The following GRK5 variants were observed in gnomAD, a reference collection of about 807,000 sequenced individuals.
The protein encoded by GRK5 is G protein-coupled receptor kinase 5.
Under a neutral mutation model 78.4 loss-of-function variants are expected in GRK5, and 40 were observed. That is an observed-to-expected ratio of 0.51 (90% CI 0.40 to 0.66). The LOEUF (loss-of-function observed/expected upper bound fraction) is 0.66, where lower values mean the gene tolerates loss of function less well. Among genes scored for constraint, GRK5 ranks in the 30% least tolerant of loss-of-function variants. The probability of loss-of-function intolerance (pLI) is 0.00; values close to 1 mark genes in which losing one functional copy is unlikely to be tolerated. For missense variants in GRK5, 598 were observed against 759.9 expected (o/e 0.79, Z 2.50); for synonymous variants, 289 against 296.8 (o/e 0.97, Z 0.27).
intron 2 of GRK5, chr10:119,330,473 A>C (rs529005294): frequency 6.6e-6 from 1 of 151,902 alleles, no homozygotes; most frequent in African/African-American, 2.4e-5. Context: ...TCATGACCAA[A>C]TCACCTCCCA....
At chr10:119,278,998 C>G (rs981058124) in intron 1 of GRK5, among the ~76,000 whole-genome samples, 2 of 152,248 alleles carry the variant, frequency 1.3e-5, no homozygotes, top group African/African-American at 2.4e-5. Context: ...CCACCTCTGT[C>G]TCCCGAGTAG....
Position 119,207,916 on chromosome 10 carries a change from C to T in GRK5, c.-2C>T. 2 of 1,601,248 alleles carry T rather than the reference C, an allele frequency of 1.2e-6. No homozygotes were observed. The highest frequency in any genetic ancestry group is 1.7e-6 in the Non-Finnish European group (2 of 1,175,172). On this transcript the variant is annotated 5_prime_UTR_variant, in exon 1 of 16. Coordinates refer to ENST00000392870, the MANE Select transcript of GRK5 (RefSeq NM_005308.3). ...GGCTCCGTTGCTGACCGCCGACTGTCAATGGAGCTGGAAAACATCGTGGCC... is the reference window on the plus strand; with the variant it reads ...GGCTCCGTTGCTGACCGCCGACTGTTAATGGAGCTGGAAAACATCGTGGCC...
rs1467700319 is a variant in GRK5, at chr10:119,435,196, T to G, written c.739-1455T>G. 2.0e-5 allele frequency among the ~76,000 whole-genome samples: 3 copies of G among 152,236 alleles called. No individual in the cohort carries two copies. The East Asian group carries it at 5.8e-4, about 29-fold the overall frequency. ...GATGGGAGGGGCTGCTGTGAAGACC[T>G]CTGACATGCCCTGTAGACATTTTCC... On this transcript the variant is annotated intron_variant, in intron 8 of 15. Transcript: ENST00000392870.
chr10:119,321,519 C>T (rs1281157894), intron 1 of GRK5, among the ~76,000 whole-genome samples: 4 of 152,204 alleles, frequency 2.6e-5, no homozygotes, highest in Admixed American at 1.3e-4. Flanking sequence ...GGTGAGTCTT[C>T]GTCACATTGC....
At chr10:119,419,017 G>C (rs372667848) in intron 4 of GRK5, among the ~76,000 whole-genome samples, 1 of 152,370 alleles carries the variant, frequency 6.6e-6, no homozygotes, top group East Asian at 1.9e-4. Flanking sequence ...GGAAGAGCTA[G>C]AGTGCTGCCC....
At chr10:119,279,033 A>G (rs562343794) in intron 1 of GRK5, among the ~76,000 whole-genome samples, 10 of 152,024 alleles carry the variant, frequency 6.6e-5, no homozygotes, top group Admixed American at 4.6e-4. Context: ...GTGTGCCACC[A>G]TGCCAAGCTA....
At chr10:119,254,345 C>G (rs979094901) in intron 1 of GRK5, among the ~76,000 whole-genome samples, 2 of 152,088 alleles carry the variant, frequency 1.3e-5, no homozygotes, top group Non-Finnish European at 2.9e-5. Flanking sequence ...TCTGTTCTGC[C>G]CTACTTTAGT....
Position 119,443,596 on chromosome 10 carries a change from C to A in GRK5, c.1110C>A (p.Gly370=), listed in dbSNP as rs756309116. ...ACGGCCTGAGCCCCGACTACTGGGGCCTTGGCTGCCTCATCTATGAGATGA... is the reference window on the plus strand; with the variant it reads ...ACGGCCTGAGCCCCGACTACTGGGGACTTGGCTGCCTCATCTATGAGATGA... ...QRYGLSPDYW[G]LGCLIYEMIE... The change falls in exon 12 of 16, where the codon GGC becomes GGA. Residue 370 remains glycine (G), a synonymous_variant. Transcript: ENST00000392870. 6.8e-6 allele frequency: 11 copies of A among 1,613,396 alleles called. No individual in the cohort carries two copies. Among genetic ancestry groups the A allele is most frequent in the Non-Finnish European group, 6.8e-6 (8 of 1,179,706 alleles).
At chr10:119,218,391 A>G (rs1287946669) in intron 1 of GRK5, among the ~76,000 whole-genome samples, 2 of 152,188 alleles carry the variant, frequency 1.3e-5, no homozygotes, top group Non-Finnish European at 2.9e-5. Context: ...ATTGCTCTGC[A>G]AGTCTGATAA....
At position 119,442,075 on chromosome 10, in the gene GRK5, T is replaced by C; in HGVS notation, c.1044T>C (p.Thr348=). ...EGDLIRGRVG[T]VGYMAPEVLN... The stretch of plus-strand genomic sequence containing the variant: ...ACCTGATCCGCGGCCGGGTGGGCAC[T>C]GTTGGCTACATGGGTGAGTGCTGGG... The change falls in exon 11 of 16, where the codon ACT becomes ACC. Residue 348 remains threonine, a synonymous_variant. Transcript: ENST00000392870. 6.2e-7 allele frequency: 1 copy of C among 1,613,776 alleles called. No homozygotes were observed. Among genetic ancestry groups the C allele is most frequent in the Non-Finnish European group, 8.5e-7 (1 of 1,179,768 alleles).
intron 1 of GRK5, among the ~76,000 whole-genome samples, chr10:119,261,254 C>G (rs1382733899): frequency 6.6e-6 from 1 of 151,458 alleles, no homozygotes; most frequent in East Asian, 1.9e-4. Flanking sequence ...CCTCACCTCC[C>G]AGACGGGGTG....
intron 2 of GRK5, among the ~76,000 whole-genome samples, chr10:119,362,532 A>C (rs541497695): frequency 6.6e-6 from 1 of 152,374 alleles, no homozygotes; most frequent in African/African-American, 2.4e-5. Context: ...ATAACTCTTC[A>C]TAAAATGTCC....
chr10:119,237,915 CAA>C (rs573638220), intron 1 of GRK5, among the ~76,000 whole-genome samples: 226 of 152,094 alleles, frequency 1.5e-3, no homozygotes, highest in African/African-American at 5.3e-3. Flanking sequence ...GTCTGTCTGT[CAA>C]GAGAGAGAGG....
intron 1 of GRK5, among the ~76,000 whole-genome samples, chr10:119,290,346 CA>C (rs1220792004): frequency 2.2e-3 from 90 of 40,012 alleles, no homozygotes; most frequent in African/African-American, 6.9e-3. Context: ...GATTCCGTCT[CA>C]AAAAAAAAAA....
At chr10:119,246,854 G>A (rs149582686) in intron 1 of GRK5, among the ~76,000 whole-genome samples, 2 of 152,314 alleles carry the variant, frequency 1.3e-5, no homozygotes, top group East Asian at 3.9e-4. Flanking sequence ...TGATGGGAAT[G>A]TCACCTGAGA....
At chr10:119,357,713 G>T (rs1247759865) in intron 2 of GRK5, among the ~76,000 whole-genome samples, 1 of 152,192 alleles carries the variant, frequency 6.6e-6, no homozygotes, top group Non-Finnish European at 1.5e-5. Context: ...ATGCAAGAGG[G>T]CTGTCCCCAG....
intron 4 of GRK5, among the ~76,000 whole-genome samples, chr10:119,416,838 C>A (rs772860361): frequency 3.9e-4 from 59 of 152,236 alleles, no homozygotes; most frequent in South Asian, 8.3e-4. Flanking sequence ...AAGTGATCCA[C>A]ACACCTCGGC....
intron 1 of GRK5, among the ~76,000 whole-genome samples, chr10:119,243,411 A>C (rs75822735): frequency 0.022 from 3,294 of 152,310 alleles, 60 homozygotes; most frequent in Admixed American, 0.057. Flanking sequence ...GAACATTACA[A>C]AATCCCAACT....
chr10:119,370,170 A>G (rs2133819502), intron 2 of GRK5, among the ~76,000 whole-genome samples: 1 of 151,944 alleles, frequency 6.6e-6, no homozygotes, highest in Non-Finnish European at 1.5e-5. Flanking sequence ...CCGCACAAGC[A>G]CCCTTCCACC....
Sources: gnomAD v4.1 joint callset for allele counts (sites outside exome capture counted in the v4.1 genomes callset) on GRCh38, gnomAD v4.1.1 for gene constraint, MANE v1.5 for transcripts, NCBI Gene and HGNC (gene_info 2026-07-23, HGNC 2026-07-21) for gene names.